The following TCF25 variants were observed in gnomAD, a reference collection of about 807,000 sequenced individuals.
The protein encoded by TCF25 is TCF25 ribosome quality control complex subunit, also known as ribosome quality control complex subunit TCF25.
TCF25 carries 41 observed loss-of-function variants against 83.1 expected under a neutral mutation model. That is an observed-to-expected ratio of 0.49 (90% CI 0.38 to 0.64). The LOEUF (loss-of-function observed/expected upper bound fraction) is 0.64. Ranked by LOEUF, TCF25 falls within the 30% of genes least tolerant of loss-of-function variation. TCF25 has a pLI of 0.00. For missense variants in TCF25, 979 were observed against 914.5 expected (o/e 1.07, Z -0.91); for synonymous variants, 458 against 365.0 (o/e 1.25, Z -2.90).
chr16:89,895,912 G>A (rs2043814436), intron 8 of TCF25, 78 bp from the exon 9 acceptor site: 3 of 1,335,698 alleles, frequency 2.2e-6, no homozygotes, highest in East Asian at 4.9e-5. Context: ...ACCTTTCCTT[G>A]TTGTCCATTA....
In TCF25 at chr16:89,873,833, G is replaced by A. The variant is rs1449246473; in HGVS notation, c.166G>A (p.Val56Ile). 6.4e-7 allele frequency: 1 copy of A among 1,573,922 alleles called. No homozygotes were observed. Among genetic ancestry groups the A allele is most frequent in the South Asian group, 1.2e-5 (1 of 86,636 alleles). The change falls in exon 1 of 18, where the codon GTC becomes ATC. Residue 56 changes from valine to isoleucine, a missense_variant. Physicochemically the swap from Val to Ile is conservative, Grantham distance 29 (BLOSUM62 3). Coordinates refer to ENST00000263346, the MANE Select transcript of TCF25 (RefSeq NM_014972.3). ...RRPGGAGKEG[V>I]RVNNRFELIN... is the part of the protein sequence containing the mutation. ...TCCCGGGGGCGCAGGGAAGGAGGGC[G>A]TCCGAGTCAACAACCGCTTCGAGCT...
intron 9 of TCF25, among the ~76,000 whole-genome samples, chr16:89,897,678 A>G (rs1443349043): frequency 1.3e-5 from 2 of 152,274 alleles, no homozygotes; most frequent in African/African-American, 2.4e-5. Context: ...GCAGCCCACC[A>G]GCATCCGAAA....
chr16:89,875,669 C>G (rs7185534), intron 1 of TCF25, among the ~76,000 whole-genome samples: 7,231 of 150,840 alleles, frequency 0.048, 515 homozygotes, highest in African/African-American at 0.15. Flanking sequence ...AACACAGGCG[C>G]CCGCCACCAC....
chr16:89,910,953 G>T, intron 17 of TCF25, 127 bp from the exon 18 acceptor site: 1 of 1,310,440 alleles, frequency 7.6e-7, no homozygotes, highest in Non-Finnish European at 1.0e-6. Flanking sequence ...ACAGGGACCT[G>T]GGGAGGGTTC....
At chr16:89,901,550 CCTGA>C (rs1440566831) in intron 12 of TCF25, among the ~76,000 whole-genome samples, 1 of 129,368 alleles carries the variant, frequency 7.7e-6, no homozygotes, top group African/African-American at 2.8e-5. Flanking sequence ...TCGAGACCAT[CCTGA>C]CTAACACGGT....
At chr16:89,900,935 T>G in intron 12 of TCF25, 141 bp downstream of exon 12, 1 of 982,242 alleles carries the variant, frequency 1.0e-6, no homozygotes, top group Non-Finnish European at 1.4e-6. Flanking sequence ...CCTGCAAACC[T>G]GCCCTACCAA....
intron 4 of TCF25, among the ~76,000 whole-genome samples, chr16:89,887,371 C>G (rs954660349): frequency 6.6e-6 from 1 of 152,134 alleles, no homozygotes; most frequent in African/African-American, 2.4e-5. Context: ...GTGCACTGCC[C>G]CGACTCAGCC....
At chr16:89,908,510 CCCACCTTCCAG>C (rs2045201891) in intron 16 of TCF25, among the ~76,000 whole-genome samples, 1 of 149,250 alleles carries the variant, frequency 6.7e-6, no homozygotes, top group African/African-American at 2.5e-5. Flanking sequence ...GTTCCCACCT[CCCACCTTCCAG>C]CTCCCACCTC....
chr16:89,887,546 C>A, intron 4 of TCF25, 106 bp from the exon 5 acceptor site: 2 of 1,156,682 alleles, frequency 1.7e-6, no homozygotes, highest in Non-Finnish European at 2.3e-6. Context: ...CCTTTCAAAC[C>A]AAAAATCCGT....
intron 12 of TCF25, among the ~76,000 whole-genome samples, chr16:89,903,204 A>G (rs1174272473): frequency 6.6e-6 from 1 of 152,228 alleles, no homozygotes; most frequent in African/African-American, 2.4e-5. Context: ...GTGGGCTGCC[A>G]AGAAGCCGCT....
intron 12 of TCF25, among the ~76,000 whole-genome samples, chr16:89,903,888 C>T (rs2044554539): frequency 6.6e-6 from 1 of 152,164 alleles, no homozygotes; most frequent in South Asian, 2.1e-4. Flanking sequence ...GGGGCCCTGG[C>T]AGCCTCCTTG....
rs138462682 is a variant in TCF25, at chr16:89,895,997, G to A, written c.936G>A (p.Ala312=). The change falls in exon 9 of 18, where the codon GCG becomes GCA. Residue 312 remains alanine (A), a synonymous_variant. Coordinates refer to ENST00000263346, the MANE Select transcript of TCF25 (RefSeq NM_014972.3). ...GCGTCCCTGTGCCCACAGAGAGAGC[G>A]CTGTACAGCATGGAATGTGCGTTCC... ...QEMARDLVER[A]LYSMECAFHP... The A allele has an allele frequency of 4.4e-5, 71 of 1,613,864 alleles. No homozygotes were observed. The highest frequency in any genetic ancestry group is 3.1e-4 in the African/African-American group (23 of 75,058).
At chr16:89,889,108 G>T (rs970892690) in intron 5 of TCF25, 13 of 283,986 alleles carry the variant, frequency 4.6e-5, no homozygotes, top group East Asian at 1.3e-4. Context: ...AAGAGCAGGG[G>T]GGGTGTCTGC....
chr16:89,895,925 A>G (rs952968423), intron 8 of TCF25, 65 bp from the exon 9 acceptor site: 14 of 1,433,012 alleles, frequency 9.8e-6, no homozygotes, highest in South Asian at 1.2e-5. Flanking sequence ...GTCCATTATC[A>G]GAGGAGGGGC....
chr16:89,889,415 G>C (rs1386262176), intron 5 of TCF25: 16 of 252,314 alleles, frequency 6.3e-5, no homozygotes, highest in South Asian at 6.0e-4. Flanking sequence ...GGCTTCAAGC[G>C]ATTCTCCTCC....
chr16:89,896,690 C>A (rs1163837255), intron 9 of TCF25, among the ~76,000 whole-genome samples: 2 of 151,820 alleles, frequency 1.3e-5, no homozygotes, highest in Non-Finnish European at 2.9e-5. Context: ...AGTAGCTGGG[C>A]CTACAGGCAC....
chr16:89,905,200 C>T, intron 14 of TCF25, 104 bp downstream of exon 14: 1 of 1,409,076 alleles, frequency 7.1e-7, no homozygotes, highest in Non-Finnish European at 9.3e-7. Context: ...CTGTGAGCAG[C>T]TTGGCCTCCC....
intron 13 of TCF25, 112 bp downstream of exon 13, chr16:89,904,317 G>A: frequency 2.5e-6 from 3 of 1,213,890 alleles, no homozygotes; most frequent in South Asian, 2.7e-5. Context: ...CAGCAGGAGG[G>A]GCTGTGGTGG....
intron 16 of TCF25, chr16:89,909,015 G>A (rs530602776): frequency 2.8e-5 from 36 of 1,289,554 alleles, no homozygotes; most frequent in African/African-American, 9.1e-5. Flanking sequence ...ACAGCTCTGC[G>A]TTTGCAGGCC....
Sources: gnomAD v4.1 joint callset for allele counts (sites outside exome capture counted in the v4.1 genomes callset) on GRCh38, gnomAD v4.1.1 for gene constraint, MANE v1.5 for transcripts, NCBI Gene and HGNC (gene_info 2026-07-23, HGNC 2026-07-21) for gene names.